Variants in CCDC150 observed in about 807,000 individuals in gnomAD.
The protein encoded by CCDC150 is coiled-coil domain-containing protein 150.
Under a neutral mutation model 156.5 loss-of-function variants are expected in CCDC150, and 151 were observed. The observed-to-expected ratio is 0.97, with a 90% CI of 0.85 to 1.10. The LOEUF (loss-of-function observed/expected upper bound fraction) is 1.10, where lower values mean the gene tolerates loss of function less well. CCDC150 is among the 50% of genes least tolerant of loss of function. The pLI is 0.00. For missense variants in CCDC150, 1,312 were observed against 1,268.1 expected, an observed-to-expected ratio of 1.03 and a Z score of -0.53; for synonymous variants, 452 against 429.4, an observed-to-expected ratio of 1.05 and a Z score of -0.65.
chr2:196,697,773 ATTC>A lies in CCDC150; in HGVS notation c.1623+2619_1623+2621del, dbSNP rs1159042231. ...TGCCAGTATCCTACTGGTTTTGTGT[ATTC>A]TTCTAACAGCTTCTGCTAACTTGTA... On this transcript the variant is annotated intron_variant, in intron 14 of 27. Transcript: ENST00000389175. Among the ~76,000 whole-genome samples the A allele has an allele frequency of 4.6e-5, 7 of 152,202 alleles. No homozygotes were observed. The East Asian group carries it at 1.2e-3, about 25-fold the overall frequency.
At chr2:196,652,638 G>A (rs1312758949) in intron 2 of CCDC150, among the ~76,000 whole-genome samples, 2 of 152,208 alleles carry the variant, frequency 1.3e-5, no homozygotes, top group African/African-American at 4.8e-5. Context: ...GTGTCCTTCT[G>A]GGGTCTGGAG....
intron 15 of CCDC150, among the ~76,000 whole-genome samples, chr2:196,705,381 G>A (rs1349583423): frequency 1.3e-5 from 2 of 152,082 alleles, no homozygotes; most frequent in African/African-American, 4.8e-5. Flanking sequence ...CATATCCTTC[G>A]CCAACTTTTT....
At chr2:196,709,378 A>G (rs1459765418) in intron 15 of CCDC150, among the ~76,000 whole-genome samples, 2 of 151,928 alleles carry the variant, frequency 1.3e-5, no homozygotes, top group African/African-American at 2.4e-5. Context: ...TCTTCTCTAC[A>G]CTGTTTTTTC....
intron 5 of CCDC150, 59 bp downstream of exon 5, chr2:196,658,919 AAGC>A: frequency 8.5e-7 from 1 of 1,174,750 alleles, no homozygotes; most frequent in Non-Finnish European, 1.2e-6. Context: ...GAAATCAAGA[AAGC>A]AGAGAGAATG....
At chr2:196,712,777 G>A (rs1448741784) in intron 17 of CCDC150, 38 bp downstream of exon 17, 5 of 1,456,778 alleles carry the variant, frequency 3.4e-6, no homozygotes, top group Non-Finnish European at 4.8e-6. Context: ...CAGCATGGTG[G>A]CTCTTGAAGC....
intron 1 of CCDC150, among the ~76,000 whole-genome samples, chr2:196,644,439 C>A (rs890584186): frequency 6.6e-6 from 1 of 152,110 alleles, no homozygotes; most frequent in Non-Finnish European, 1.5e-5. Flanking sequence ...CAACTGCAGC[C>A]CTGGTTTATG....
rs561661537 is a variant in CCDC150 at position 196,641,889 on chromosome 2, A to C, written c.12+2111A>C. Among the ~76,000 whole-genome samples the C allele has an allele frequency of 2.0e-5, 3 of 152,214 alleles. No individual in the cohort carries two copies. The South Asian group carries it at 6.2e-4, about 32-fold the overall frequency. On this transcript the variant is annotated intron_variant, in intron 1 of 27. Coordinates refer to ENST00000389175, the MANE Select transcript of CCDC150 (RefSeq NM_001080539.2). ...GTGTACACCTATTGCCAGGTGTAGG[A>C]ATGGAGCCTGTGTCCACAGAAGCAT...
intron 20 of CCDC150, among the ~76,000 whole-genome samples, chr2:196,721,028 T>G (rs1238629214): frequency 6.6e-6 from 1 of 152,094 alleles, no homozygotes; most frequent in East Asian, 1.9e-4. Flanking sequence ...TACACACACA[T>G]GTGCTCACAG....
At chr2:196,665,739 A>G (rs1693808162) in intron 6 of CCDC150, 56 bp downstream of exon 6, 6 of 1,005,030 alleles carry the variant, frequency 6.0e-6, no homozygotes, top group Non-Finnish European at 7.2e-6. Flanking sequence ...ACAAAAACTG[A>G]TATTTTACCT....
chr2:196,704,643 T>A (rs188854797), intron 15 of CCDC150, among the ~76,000 whole-genome samples: 4 of 152,308 alleles, frequency 2.6e-5, no homozygotes, highest in South Asian at 4.1e-4. Context: ...GTTGGTTTGC[T>A]GCACCCATTA....
intron 2 of CCDC150, among the ~76,000 whole-genome samples, chr2:196,651,316 T>C (rs1340315703): frequency 6.6e-6 from 1 of 152,218 alleles, no homozygotes; most frequent in Admixed American, 6.5e-5. Flanking sequence ...TATAATTGAT[T>C]AATAACCTGC....
intron 22 of CCDC150, chr2:196,727,102 T>A (rs552246137): frequency 6.6e-6 from 1 of 152,234 alleles, no homozygotes; most frequent in Non-Finnish European, 1.5e-5. Flanking sequence ...AAAGCCCATT[T>A]TAATAGAAAA....
rs958698282 is a variant in CCDC150, at chr2:196,676,258, A to G, written c.1253A>G (p.Gln418Arg). ...GTTCAGAATGAGAAAACCCAACTCCAGGCACATCTGTAAGTAAATTATGGG... is the reference window on the plus strand; with the variant it reads ...GTTCAGAATGAGAAAACCCAACTCCGGGCACATCTGTAAGTAAATTATGGG... ...QTVQNEKTQL[Q>R]AHLDHLILEH... The change falls in exon 11 of 28, where the codon CAG (glutamine) becomes CGG (arginine). Residue 418 changes from glutamine (Q) to arginine (R), a missense_variant. Transcript: ENST00000389175. 6.2e-7 allele frequency: 1 copy of G among 1,613,386 alleles called. No individual in the cohort carries two copies.
Position 196,701,909 on chromosome 2 carries a change from T to G in CCDC150, c.1695+729T>G, listed in dbSNP as rs150690391. The stretch of plus-strand genomic sequence containing the variant: ...CATGTTCACAGTAAAATTCTTTCCA[T>G]TTTTCTATATATTTAAAACATTTTA... On this transcript the variant is annotated intron_variant, in intron 15 of 27. Transcript: ENST00000389175. 9.9e-4 allele frequency among the ~76,000 whole-genome samples: 151 copies of G among 152,300 alleles called. No individual in the cohort carries two copies. In the East Asian group the frequency reaches 0.019, roughly 19 times the overall value.
intron 22 of CCDC150, 185 bp downstream of exon 22, chr2:196,726,284 G>T (rs975141489): frequency 2.5e-5 from 14 of 549,366 alleles, no homozygotes; most frequent in African/African-American, 1.1e-4. Context: ...ATAATTCTCT[G>T]CCCGACAAAG....
intron 7 of CCDC150, among the ~76,000 whole-genome samples, chr2:196,668,818 T>A (rs1694017238): frequency 6.6e-6 from 1 of 152,186 alleles, no homozygotes; most frequent in Admixed American, 6.5e-5. Flanking sequence ...TTTCCCGAAG[T>A]CATATAGTTC....
chr2:196,711,520 A>C (rs574509186), intron 15 of CCDC150, among the ~76,000 whole-genome samples: 1 of 152,278 alleles, frequency 6.6e-6, no homozygotes, highest in African/African-American at 2.4e-5. Context: ...ATATGGAAAA[A>C]CGTATAATTT....
chr2:196,658,991 T>A, intron 5 of CCDC150, 131 bp downstream of exon 5: 1 of 636,084 alleles, frequency 1.6e-6, no homozygotes, highest in Admixed American at 3.2e-5. Context: ...TTTAAAAATA[T>A]GCCACATTGA....
chr2:196,676,022 T>C (rs1694476978), intron 10 of CCDC150, 121 bp from the exon 11 acceptor site: 1 of 862,428 alleles, frequency 1.2e-6, no homozygotes, highest in South Asian at 1.8e-5. Context: ...AGAGGTTTTA[T>C]TTATGTAAAT....
Sources: gnomAD v4.1 joint callset for allele counts (sites outside exome capture counted in the v4.1 genomes callset) on GRCh38, gnomAD v4.1.1 for gene constraint, MANE v1.5 for transcripts, NCBI Gene and HGNC (gene_info 2026-07-23, HGNC 2026-07-21) for gene names.